SPIDR: variants seen among roughly 807,000 people sequenced by gnomAD.
SPIDR encodes the protein scaffold protein involved in DNA repair.
In SPIDR, 93 loss-of-function variants were observed where a neutral mutation model predicts 104.6. The observed-to-expected ratio is 0.89, with a 90% CI of 0.75 to 1.06. The LOEUF (loss-of-function observed/expected upper bound fraction) is 1.06. Among genes scored for constraint, SPIDR ranks in the 50% least tolerant of loss-of-function variants. The pLI is 0.00. For missense variants in SPIDR, 1,154 were observed against 1,111.2 expected (o/e 1.04, Z -0.55); for synonymous variants, 431 against 416.9 (o/e 1.03, Z -0.41).
At chr8:47,430,373 T>G (rs2067146986) in intron 7 of SPIDR, among the ~76,000 whole-genome samples, 1 of 152,218 alleles carries the variant, frequency 6.6e-6, no homozygotes, top group Non-Finnish European at 1.5e-5. Flanking sequence ...GTTTTGCCTG[T>G]TTCCACCCAA....
At chr8:47,362,707 C>T (rs1400603058) in intron 5 of SPIDR, among the ~76,000 whole-genome samples, 2 of 152,200 alleles carry the variant, frequency 1.3e-5, no homozygotes, top group African/African-American at 4.8e-5. Context: ...GGCTGGAGTG[C>T]AGTGGCACAA....
chr8:47,564,810 T>C (rs2154402891), intron 8 of SPIDR, among the ~76,000 whole-genome samples: 1 of 152,370 alleles, frequency 6.6e-6, no homozygotes, highest in South Asian at 2.1e-4. Context: ...ATACATCATT[T>C]CATCATTTTT....
At chr8:47,470,884 G>A (rs532301478) in intron 8 of SPIDR, among the ~76,000 whole-genome samples, 73 of 151,740 alleles carry the variant, frequency 4.8e-4, no homozygotes, top group African/African-American at 1.5e-3. Flanking sequence ...ACAGGTGCCC[G>A]CCACCACGCC....
chr8:47,315,150 T>G (rs1265189888), intron 5 of SPIDR, among the ~76,000 whole-genome samples: 1 of 152,164 alleles, frequency 6.6e-6, no homozygotes, highest in Admixed American at 6.5e-5. Flanking sequence ...CTGTAACTTA[T>G]AGAAAACCTA....
intron 5 of SPIDR, among the ~76,000 whole-genome samples, chr8:47,394,162 C>T (rs2060974939): frequency 6.6e-6 from 1 of 152,212 alleles, no homozygotes; most frequent in Admixed American, 6.5e-5. Context: ...CTGCCTTAGC[C>T]TTCCAAAGTG....
chr8:47,474,563 A>G (rs2076076986), intron 8 of SPIDR, among the ~76,000 whole-genome samples: 1 of 152,208 alleles, frequency 6.6e-6, no homozygotes, highest in Non-Finnish European at 1.5e-5. Flanking sequence ...TGAACTGGTC[A>G]GGCTGCCGTC....
At chr8:47,367,321 A>G (rs576522086) in intron 5 of SPIDR, among the ~76,000 whole-genome samples, 5 of 152,190 alleles carry the variant, frequency 3.3e-5, no homozygotes, top group Non-Finnish European at 7.3e-5. Flanking sequence ...TGCTAGTACA[A>G]AGAATGAGCT....
intron 8 of SPIDR, among the ~76,000 whole-genome samples, chr8:47,499,039 G>A (rs1480399933): frequency 5.3e-5 from 8 of 152,212 alleles, no homozygotes; most frequent in African/African-American, 1.9e-4. Context: ...TTAACTTTCA[G>A]TATCAGAAAT....
chr8:47,518,638 CTTT>C (rs899737372), intron 8 of SPIDR, among the ~76,000 whole-genome samples: 1 of 141,272 alleles, frequency 7.1e-6, no homozygotes. Flanking sequence ...TCTTCTGCTA[CTTT>C]TTTTTTTTTT....
chr8:47,341,107 T>C (rs1285838955), intron 5 of SPIDR, among the ~76,000 whole-genome samples: 1 of 152,222 alleles, frequency 6.6e-6, no homozygotes, highest in African/African-American at 2.4e-5. Flanking sequence ...GGCAGCCTTG[T>C]GGAGGACTTT....
At chr8:47,297,895 G>A (rs1191152727) in intron 5 of SPIDR, among the ~76,000 whole-genome samples, 1 of 152,110 alleles carries the variant, frequency 6.6e-6, no homozygotes, top group Non-Finnish European at 1.5e-5. Flanking sequence ...CTTTGCTATT[G>A]TGAATAGTGC....
intron 10 of SPIDR, among the ~76,000 whole-genome samples, chr8:47,649,339 A>G (rs1392365766): frequency 6.6e-6 from 1 of 152,172 alleles, no homozygotes; most frequent in Non-Finnish European, 1.5e-5. Context: ...ACTGAATCTC[A>G]CAATGAGAAG....
At chr8:47,456,580 A>T (rs1433943750) in intron 8 of SPIDR, among the ~76,000 whole-genome samples, 1 of 152,110 alleles carries the variant, frequency 6.6e-6, no homozygotes. Flanking sequence ...TTATATAACC[A>T]TTTGGTCCAA....
chr8:47,321,070 C>T (rs1554594940), intron 5 of SPIDR, among the ~76,000 whole-genome samples: 1 of 152,170 alleles, frequency 6.6e-6, no homozygotes, highest in Non-Finnish European at 1.5e-5. Flanking sequence ...TCCTATTCAA[C>T]ATGGTGTTGG....
intron 8 of SPIDR, among the ~76,000 whole-genome samples, chr8:47,470,477 CAG>C (rs1491271237): frequency 5.3e-5 from 8 of 151,326 alleles, no homozygotes; most frequent in Non-Finnish European, 1.2e-4. Flanking sequence ...TTGGTAGAGA[CAG>C]GGTTTCACCA....
At chr8:47,276,873 T>C (rs2036531547) in intron 1 of SPIDR, 1 of 152,150 alleles carries the variant, frequency 6.6e-6, no homozygotes, top group Non-Finnish European at 1.5e-5. Context: ...AGGATTTCCT[T>C]TTTACAGCTT....
At chr8:47,312,299 A>T (rs1349601037) in intron 5 of SPIDR, among the ~76,000 whole-genome samples, 2 of 152,108 alleles carry the variant, frequency 1.3e-5, no homozygotes, top group African/African-American at 4.8e-5. Context: ...CGCCACACTG[A>T]CTTCCACAAT....
intron 8 of SPIDR, among the ~76,000 whole-genome samples, chr8:47,463,047 A>G (rs1686923146): frequency 1.3e-5 from 2 of 152,086 alleles, no homozygotes; most frequent in Admixed American, 1.3e-4. Context: ...ACTGGTAAGG[A>G]TATTAAATCG....
chr8:47,302,624 G>A (rs1447182253), intron 5 of SPIDR, among the ~76,000 whole-genome samples: 3 of 152,142 alleles, frequency 2.0e-5, no homozygotes, highest in Non-Finnish European at 4.4e-5. Flanking sequence ...TGGGGTTTTG[G>A]TGTGCATGTC....
Sources: gnomAD v4.1 joint callset for allele counts (sites outside exome capture counted in the v4.1 genomes callset) on GRCh38, gnomAD v4.1.1 for gene constraint, MANE v1.5 for transcripts, NCBI Gene and HGNC (gene_info 2026-07-23, HGNC 2026-07-21) for gene names.